Variants in AIG1 observed in about 807,000 individuals in gnomAD.
AIG1 encodes the protein androgen induced 1.
A neutral mutation model predicts 31.4 loss-of-function variants in AIG1; 23 were observed. The ratio of observed to expected loss-of-function variants is 0.73; its 90% CI spans 0.53 to 1.04. AIG1 has a LOEUF of 1.04. Ranked by LOEUF, AIG1 falls within the 50% of genes least tolerant of loss-of-function variation. AIG1 has a pLI of 0.00. For missense variants in AIG1, 274 were observed against 295.0 expected, an observed-to-expected ratio of 0.93 and a Z score of 0.52; for synonymous variants, 100 against 110.5, an observed-to-expected ratio of 0.90 and a Z score of 0.60.
intron 1 of AIG1, among the ~76,000 whole-genome samples, chr6:143,101,942 G>A (rs1191504262): frequency 1.3e-5 from 2 of 152,086 alleles, no homozygotes; most frequent in African/African-American, 4.8e-5. Context: ...AATCTCTAGT[G>A]GTAGACATTG....
In AIG1 at chr6:143,331,848, T is replaced by TATTATC. The variant is rs1431785216; in HGVS notation, c.516-1429_516-1428insCATTAT. Among the ~76,000 whole-genome samples the TATTATC allele has an allele frequency of 1.3e-5, 1 of 77,822 alleles. No individual in the cohort carries two copies. Among genetic ancestry groups the TATTATC allele is most frequent in the Non-Finnish European group, 2.7e-5 (1 of 36,400 alleles). The allele number at this position is 77,822 out of a possible 152,430, so 51.1% of individuals were successfully genotyped here. A position where few individuals can be genotyped will look rare whatever the true frequency, so the allele number is the denominator to read the frequency against. On this transcript the variant is annotated intron_variant, in intron 4 of 5. Coordinates refer to ENST00000357847, the MANE Select transcript of AIG1 (RefSeq NM_016108.4). This position sits in a 1 kb window ranked among gnomAD's most constrained non-coding sequence, Gnocchi z 4.1. ...ATGAGGTACATGTGTAGGTAATGTT[T>TATTATC]ATTATTATTATTATTATTATTATTA...
At chr6:143,260,017 C>CTTT (rs35620148) in intron 3 of AIG1, among the ~76,000 whole-genome samples, 1,899 of 85,006 alleles carry the variant, frequency 0.022, 28 homozygotes, top group African/African-American at 0.03. Flanking sequence ...TCTTGTGCTT[C>CTTT]TTTTTTTTTT....
chr6:143,077,553 C>T (rs1308384581), intron 1 of AIG1, among the ~76,000 whole-genome samples: 1 of 152,144 alleles, frequency 6.6e-6, no homozygotes, highest in African/African-American at 2.4e-5. Flanking sequence ...GAGAAATTTG[C>T]AATTATTTAA....
chr6:143,067,613 A>G (rs970532707), intron 1 of AIG1, among the ~76,000 whole-genome samples: 3 of 152,234 alleles, frequency 2.0e-5, no homozygotes, highest in African/African-American at 4.8e-5. Flanking sequence ...ATTTATTTAC[A>G]TACTTATCAT....
chr6:143,127,927 A>T (rs966345206), intron 1 of AIG1, among the ~76,000 whole-genome samples: 2 of 152,166 alleles, frequency 1.3e-5, no homozygotes, highest in African/African-American at 2.4e-5. Flanking sequence ...ACCTCAAGTG[A>T]TCCACCTGCC....
chr6:143,308,199 G>C (rs1562578942), intron 4 of AIG1, among the ~76,000 whole-genome samples: 1 of 152,178 alleles, frequency 6.6e-6, no homozygotes, highest in Non-Finnish European at 1.5e-5. Context: ...CTCGCGCACG[G>C]TGCGCTGCAC....
chr6:143,161,906 C>G (rs1786417715), intron 2 of AIG1, among the ~76,000 whole-genome samples: 1 of 152,036 alleles, frequency 6.6e-6, no homozygotes, highest in Admixed American at 6.6e-5. Flanking sequence ...GATGCTCACT[C>G]TCCATCACTT....
intron 3 of AIG1, among the ~76,000 whole-genome samples, chr6:143,208,313 C>G (rs1350842089): frequency 6.6e-6 from 1 of 152,206 alleles, no homozygotes; most frequent in African/African-American, 2.4e-5. Context: ...CCACAGAACT[C>G]TGTAGCCATT....
intron 1 of AIG1, among the ~76,000 whole-genome samples, chr6:143,073,275 C>CA (rs766610471): frequency 1.3e-5 from 2 of 152,098 alleles, no homozygotes; most frequent in Non-Finnish European, 2.9e-5. Flanking sequence ...TGTCTATCAA[C>CA]AGAGAGTTAG....
intron 1 of AIG1, among the ~76,000 whole-genome samples, chr6:143,084,591 T>C (rs761806263): frequency 2.6e-5 from 4 of 152,142 alleles, no homozygotes; most frequent in Non-Finnish European, 4.4e-5. Flanking sequence ...AGGCGGACTT[T>C]TGAAGTTTTT....
intron 1 of AIG1, among the ~76,000 whole-genome samples, chr6:143,124,773 A>G (rs1782551205): frequency 6.6e-6 from 1 of 152,164 alleles, no homozygotes; most frequent in Admixed American, 6.5e-5. Context: ...GAGTGGGTGC[A>G]AGTGGGGGAA....
intron 4 of AIG1, among the ~76,000 whole-genome samples, chr6:143,314,987 T>C (rs914331258): frequency 1.3e-5 from 2 of 152,122 alleles, no homozygotes; most frequent in Middle Eastern, 3.2e-3. Context: ...GGCCAACAAC[T>C]GTTGGAGAAT....
intron 3 of AIG1, among the ~76,000 whole-genome samples, chr6:143,231,159 T>C (rs1426164926): frequency 6.6e-6 from 1 of 152,250 alleles, no homozygotes; most frequent in African/African-American, 2.4e-5. Context: ...ATACTTTATC[T>C]TAACATCTCT....
At chr6:143,215,042 G>C (rs1420618880) in intron 3 of AIG1, among the ~76,000 whole-genome samples, 4 of 152,158 alleles carry the variant, frequency 2.6e-5, no homozygotes, top group Non-Finnish European at 5.9e-5. Flanking sequence ...TGGGGGCAGA[G>C]ATTGGGTTCA....
intron 4 of AIG1, among the ~76,000 whole-genome samples, chr6:143,307,272 G>A (rs1799388270): frequency 1.3e-5 from 2 of 152,154 alleles, no homozygotes; most frequent in South Asian, 4.1e-4. Context: ...AGGAGGAGAG[G>A]CTCTCTGCTT....
intron 3 of AIG1, among the ~76,000 whole-genome samples, chr6:143,251,128 C>T (rs1794981192): frequency 6.6e-6 from 1 of 152,254 alleles, no homozygotes; most frequent in African/African-American, 2.4e-5. Flanking sequence ...TCTCGGCTCA[C>T]TGAGACCTGT....
At chr6:143,103,957 C>G (rs1354622706) in intron 1 of AIG1, among the ~76,000 whole-genome samples, 4 of 152,094 alleles carry the variant, frequency 2.6e-5, no homozygotes, top group Admixed American at 6.5e-5. Context: ...CATTTTCTGC[C>G]CTAAATGGAA....
At chr6:143,128,010 A>T (rs1180336025) in intron 1 of AIG1, among the ~76,000 whole-genome samples, 3 of 152,176 alleles carry the variant, frequency 2.0e-5, no homozygotes, top group African/African-American at 7.2e-5. Context: ...AGTTGAGGAT[A>T]TTGAAGATGA....
rs543883747 is a variant in AIG1 at position 143,105,064 on chromosome 6, T to C, written c.142-31771T>C. 6.6e-5 allele frequency among the ~76,000 whole-genome samples: 10 copies of C among 152,328 alleles called. 1 individual carries two copies. The South Asian group carries it at 2.1e-3, about 32-fold the overall frequency. On this transcript the variant is annotated intron_variant, in intron 1 of 5. Transcript: ENST00000357847. ...GATCTCATGATTCCTCCCAGCTCAT[T>C]GCTGCATTTCTACATTTTGATAAAA...
Sources: allele counts gnomAD v4.1 joint callset (sites outside exome capture counted in the v4.1 genomes callset), GRCh38; gene constraint gnomAD v4.1.1; non-coding constraint Gnocchi (gnomAD v3.1); transcripts MANE v1.5; gene names NCBI Gene and HGNC (gene_info 2026-07-23, HGNC 2026-07-21).